Variants in CNTN5 observed in about 807,000 individuals in gnomAD.
CNTN5 encodes the protein contactin 5.
Under a neutral mutation model 129.1 loss-of-function variants are expected in CNTN5, and 77 were observed. That is an observed-to-expected ratio of 0.60 (90% confidence interval 0.50 to 0.72). CNTN5 has a LOEUF of 0.72. CNTN5 is among the 30% of genes least tolerant of loss of function. The pLI, the probability that CNTN5 is intolerant of heterozygous loss-of-function variation, is 0.00. For missense variants in CNTN5, 1,478 were observed against 1,328.8 expected (o/e 1.11, Z -1.75); for synonymous variants, 509 against 465.6 (o/e 1.09, Z -1.20).
intron 3 of CNTN5, among the ~76,000 whole-genome samples, chr11:99,792,076 G>T (rs922590805): frequency 6.6e-6 from 1 of 152,000 alleles, no homozygotes; most frequent in Non-Finnish European, 1.5e-5. Context: ...TTCCTGTCAG[G>T]ATGCGTTTTT....
chr11:99,304,967 T>C (rs139036315), intron 1 of CNTN5, among the ~76,000 whole-genome samples: 1 of 152,316 alleles, frequency 6.6e-6, no homozygotes, highest in African/African-American at 2.4e-5. Context: ...ATATATCTGT[T>C]AGCCCACAGA....
intron 2 of CNTN5, among the ~76,000 whole-genome samples, chr11:99,371,278 A>G: frequency 6.6e-6 from 1 of 152,062 alleles, no homozygotes; most frequent in East Asian, 1.9e-4. Flanking sequence ...TAAAGATTAT[A>G]GCATAATTAT....
chr11:99,425,460 C>G (rs935159682), intron 2 of CNTN5, among the ~76,000 whole-genome samples: 2 of 152,232 alleles, frequency 1.3e-5, no homozygotes, highest in Admixed American at 1.3e-4. Flanking sequence ...CCACACCACC[C>G]CTTGCCTCTC....
At chr11:100,128,106 T>C (rs980936418) in intron 13 of CNTN5, among the ~76,000 whole-genome samples, 4 of 152,152 alleles carry the variant, frequency 2.6e-5, no homozygotes, top group African/African-American at 9.7e-5. Flanking sequence ...TTGACTCGAA[T>C]ATCTCCTCTT....
intron 1 of CNTN5, among the ~76,000 whole-genome samples, chr11:99,222,586 G>T (rs1170755209): frequency 6.6e-6 from 1 of 151,954 alleles, no homozygotes; most frequent in East Asian, 1.9e-4. Flanking sequence ...AGTCAAAGCA[G>T]CATAGCATTT....
chr11:99,289,953 T>A (rs1043119067), intron 1 of CNTN5, among the ~76,000 whole-genome samples: 2 of 151,830 alleles, frequency 1.3e-5, no homozygotes, highest in Admixed American at 6.6e-5. Context: ...CATTACTAAG[T>A]ACTTTTAAAA....
At chr11:99,726,322 A>T (rs1943337225) in intron 3 of CNTN5, among the ~76,000 whole-genome samples, 1 of 152,162 alleles carries the variant, frequency 6.6e-6, no homozygotes, top group African/African-American at 2.4e-5. Context: ...ATAGCAAAGT[A>T]TTTTATAAAA....
At chr11:100,209,860 T>C (rs1391678080) in intron 15 of CNTN5, among the ~76,000 whole-genome samples, 1 of 152,198 alleles carries the variant, frequency 6.6e-6, no homozygotes, top group Non-Finnish European at 1.5e-5. Flanking sequence ...CATGTTCCAG[T>C]TGTTTCCTCA....
chr11:99,775,064 A>G (rs1010252566), intron 3 of CNTN5, among the ~76,000 whole-genome samples: 3 of 152,038 alleles, frequency 2.0e-5, no homozygotes, highest in Admixed American at 1.3e-4. Context: ...CCAATCCTTT[A>G]AATCTCTGCA....
chr11:99,486,917 A>G (rs1452744531), intron 2 of CNTN5, among the ~76,000 whole-genome samples: 3 of 152,196 alleles, frequency 2.0e-5, no homozygotes, highest in African/African-American at 7.2e-5. Flanking sequence ...GCTTATAGAC[A>G]GTGAGCTATA....
intron 21 of CNTN5, among the ~76,000 whole-genome samples, chr11:100,339,210 G>A (rs1000886315): frequency 6.6e-6 from 1 of 152,080 alleles, no homozygotes; most frequent in Non-Finnish European, 1.5e-5. Context: ...AAGGGCAAAG[G>A]GCTGGTGTGA....
chr11:99,693,640 C>CA (rs1024399988), intron 3 of CNTN5, among the ~76,000 whole-genome samples: 7 of 152,138 alleles, frequency 4.6e-5, no homozygotes, highest in African/African-American at 1.7e-4. Context: ...TCTCTGCAAA[C>CA]ATAATACCCA....
At chr11:99,229,150 C>T (rs903588923) in intron 1 of CNTN5, among the ~76,000 whole-genome samples, 4 of 151,966 alleles carry the variant, frequency 2.6e-5, no homozygotes, top group African/African-American at 9.7e-5. Flanking sequence ...TCCAATTTCA[C>T]ATGACATTTT....
rs940754103 is a variant in CNTN5 at position 99,138,215 on chromosome 11, G to A, written c.-210+116945G>A. Reference sequence around the variant, plus strand: ...CATACCACAATCCAACATGATAGGTGTTAGGTGTTTCTATTTATTATTAGC... The same window carrying A: ...CATACCACAATCCAACATGATAGGTATTAGGTGTTTCTATTTATTATTAGC... On this transcript the variant is annotated intron_variant, in intron 1 of 24. Transcript: ENST00000524871. 1.3e-5 allele frequency among the ~76,000 whole-genome samples: 2 copies of A among 152,074 alleles called. 1 individual carries two copies. The highest frequency in any genetic ancestry group is 2.9e-5 in the Non-Finnish European group (2 of 67,996).
intron 2 of CNTN5, among the ~76,000 whole-genome samples, chr11:99,360,210 T>C (rs1243661179): frequency 6.6e-6 from 1 of 152,190 alleles, no homozygotes; most frequent in African/African-American, 2.4e-5. Context: ...CTTGCCACTT[T>C]GGCTTTGCTG....
intron 9 of CNTN5, among the ~76,000 whole-genome samples, chr11:100,048,308 C>T (rs960581083): frequency 5.2e-4 from 17 of 32,512 alleles, no homozygotes; most frequent in Admixed American, 9.0e-4. Context: ...TCCTCAGATC[C>T]CCCAGGTTCT....
intron 3 of CNTN5, among the ~76,000 whole-genome samples, chr11:99,677,764 C>T (rs1392713462): frequency 6.6e-6 from 1 of 152,056 alleles, no homozygotes; most frequent in African/African-American, 2.4e-5. Flanking sequence ...AGTATAAATA[C>T]GTGTATGTAC....
At chr11:99,325,679 C>T (rs566922608) in intron 2 of CNTN5, among the ~76,000 whole-genome samples, 195 bp downstream of exon 2, 2 of 152,268 alleles carry the variant, frequency 1.3e-5, no homozygotes, top group South Asian at 4.1e-4. Flanking sequence ...CATAAATGCT[C>T]TATAAATATT....
At chr11:100,088,262 A>G (rs1415859028) in intron 13 of CNTN5, among the ~76,000 whole-genome samples, 1 of 151,950 alleles carries the variant, frequency 6.6e-6, no homozygotes, top group African/African-American at 2.4e-5. Context: ...GGAAGTTTAC[A>G]GCACTAAATG....
Sources: gnomAD v4.1 joint callset for allele counts (sites outside exome capture counted in the v4.1 genomes callset) on GRCh38, gnomAD v4.1.1 for gene constraint, MANE v1.5 for transcripts, NCBI Gene and HGNC (gene_info 2026-07-23, HGNC 2026-07-21) for gene names.